Variants in EYS observed in about 807,000 individuals in gnomAD.
EYS encodes EGF-like photoreceptor maintenance factor.
A neutral mutation model predicts 282.1 loss-of-function variants in EYS; 250 were observed. The observed-to-expected ratio is 0.89, with a 90% CI of 0.80 to 0.98. The LOEUF (loss-of-function observed/expected upper bound fraction) is 0.98, where lower values mean the gene tolerates loss of function less well. EYS is among the 50% of genes least tolerant of loss of function. The probability of loss-of-function intolerance (pLI) is 0.00; values close to 1 mark genes in which losing one functional copy is unlikely to be tolerated. For missense variants in EYS, 4,016 were observed against 3,709.0 expected, an observed-to-expected ratio of 1.08 and a Z score of -2.15; for synonymous variants, 1,355 against 1,282.9, an observed-to-expected ratio of 1.06 and a Z score of -1.20.
intron 34 of EYS, among the ~76,000 whole-genome samples, chr6:63,994,711 A>G (rs1281791990): frequency 6.6e-6 from 1 of 152,004 alleles, no homozygotes; most frequent in African/African-American, 2.4e-5. Context: ...CAGCTCTATG[A>G]TAATATTTTC....
At position 65,065,927 on chromosome 6, in the gene EYS, C is replaced by T. The variant is rs893861807; in HGVS notation, c.2024-8200G>A. On this transcript the variant is annotated intron_variant, in intron 12 of 42. Transcript: ENST00000503581. ...ATCCAATAAATGTAAATTTCATTGG[C>T]TGTCTACATTATTTACAGATATCTA... is the stretch of plus-strand genomic sequence containing the variant. Among the ~76,000 whole-genome samples, 9 of 152,182 alleles carry T rather than the reference C, an allele frequency of 5.9e-5. 1 individual carries two copies. Among genetic ancestry groups the T allele is most frequent in the African/African-American group, 2.2e-4 (9 of 41,438 alleles).
intron 21 of EYS, among the ~76,000 whole-genome samples, chr6:64,815,519 C>T (rs908500136): frequency 2.6e-5 from 4 of 152,014 alleles, no homozygotes; most frequent in Admixed American, 2.0e-4. Flanking sequence ...ATGGGAAATA[C>T]AAAGGCAATT....
chr6:63,757,093 AT>A (rs1269561725), intron 41 of EYS, among the ~76,000 whole-genome samples: 2 of 152,160 alleles, frequency 1.3e-5, no homozygotes, highest in African/African-American at 4.8e-5. Context: ...GTCCGGCAGA[AT>A]AGAGCCATAT....
intron 28 of EYS, among the ~76,000 whole-genome samples, chr6:64,395,963 G>C (rs1027537695): frequency 6.6e-6 from 1 of 151,844 alleles, no homozygotes; most frequent in Non-Finnish European, 1.5e-5. Flanking sequence ...AAAGCTCTAT[G>C]AAATATTATA....
At chr6:65,424,566 T>C (rs191226225) in intron 5 of EYS, among the ~76,000 whole-genome samples, 6 of 152,160 alleles carry the variant, frequency 3.9e-5, no homozygotes, top group Non-Finnish European at 8.8e-5. Flanking sequence ...AGGCATCTGT[T>C]TTATATTACA....
At position 64,160,114 on chromosome 6, in the gene EYS, A is replaced by G. The variant is rs532231473; in HGVS notation, c.6424+70478T>C. Among the ~76,000 whole-genome samples, 5 of 152,272 alleles carry G rather than the reference A, an allele frequency of 3.3e-5. No individual in the cohort carries two copies. The South Asian group carries it at 8.3e-4, about 25-fold the overall frequency. On this transcript the variant is annotated intron_variant, in intron 31 of 42. Transcript: ENST00000503581. ...CTTGTCTGGCTTTTGCAGGTGAAAA[A>G]TGACTTCCAATCATTGTCCACTCAA...
At chr6:63,738,441 C>T (rs1768983198) in intron 41 of EYS, among the ~76,000 whole-genome samples, 1 of 151,842 alleles carries the variant, frequency 6.6e-6, no homozygotes, top group South Asian at 2.1e-4. Flanking sequence ...TTTGTAGGGA[C>T]ATGGATGAAA....
intron 26 of EYS, among the ~76,000 whole-genome samples, chr6:64,502,175 C>G (rs1214985736): frequency 6.6e-6 from 1 of 151,962 alleles, no homozygotes; most frequent in African/African-American, 2.4e-5. Context: ...GAAAGAGTGA[C>G]AAGACTAAAG....
At chr6:65,602,548 C>T (rs1291222930) in intron 2 of EYS, among the ~76,000 whole-genome samples, 1 of 151,846 alleles carries the variant, frequency 6.6e-6, no homozygotes, top group East Asian at 1.9e-4. Flanking sequence ...TGAAATATGC[C>T]AGACACTGTT....
intron 31 of EYS, among the ~76,000 whole-genome samples, chr6:64,098,072 G>C (rs185851464): frequency 8.5e-5 from 13 of 152,238 alleles, no homozygotes; most frequent in Middle Eastern, 3.4e-3. Flanking sequence ...ATCTTACTGG[G>C]TCTAGTAAAC....
intron 2 of EYS, among the ~76,000 whole-genome samples, chr6:65,496,692 T>G (rs986514988): frequency 1.3e-5 from 2 of 152,076 alleles, no homozygotes; most frequent in Non-Finnish European, 2.9e-5. Context: ...CAATAAATAG[T>G]AGCTTTTATT....
intron 22 of EYS, among the ~76,000 whole-genome samples, chr6:64,663,887 A>T (rs960680862): frequency 7.2e-5 from 11 of 152,132 alleles, no homozygotes; most frequent in Non-Finnish European, 1.0e-4. Flanking sequence ...TGGGTCACGG[A>T]AGAGAACCAT....
At chr6:65,326,328 A>G (rs1769619921) in intron 11 of EYS, among the ~76,000 whole-genome samples, 1 of 151,660 alleles carries the variant, frequency 6.6e-6, no homozygotes, top group Non-Finnish European at 1.5e-5. Flanking sequence ...TATCTGATAA[A>G]TTTTTAAATG....
intron 39 of EYS, among the ~76,000 whole-genome samples, chr6:63,781,522 G>T (rs1770225677): frequency 3.3e-5 from 5 of 152,160 alleles, no homozygotes; most frequent in Admixed American, 2.0e-4. Context: ...TTGTGAATGG[G>T]AGTTCACTCA....
chr6:64,962,578 A>AT (rs770219948), intron 14 of EYS, among the ~76,000 whole-genome samples: 3 of 151,784 alleles, frequency 2.0e-5, no homozygotes, highest in Non-Finnish European at 4.4e-5. Flanking sequence ...CAAAAAAAAA[A>AT]GAAAAGAAAA....
intron 31 of EYS, among the ~76,000 whole-genome samples, chr6:64,189,303 G>T (rs1036220729): frequency 3.3e-5 from 5 of 152,180 alleles, no homozygotes; most frequent in Admixed American, 6.5e-5. Flanking sequence ...CCCACCATCT[G>T]GTTTTGCATG....
chr6:65,690,720 T>A (rs1185328450), intron 1 of EYS, among the ~76,000 whole-genome samples: 1 of 150,114 alleles, frequency 6.7e-6, no homozygotes, highest in Non-Finnish European at 1.5e-5. Flanking sequence ...CCTAATGCTA[T>A]CCCTCCTCTA....
chr6:63,842,937 G>A (rs945778384), intron 36 of EYS, among the ~76,000 whole-genome samples: 22 of 152,172 alleles, frequency 1.4e-4, no homozygotes, highest in African/African-American at 5.1e-4. Context: ...TGTTATGTCT[G>A]AGGACTCTGT....
intron 12 of EYS, among the ~76,000 whole-genome samples, chr6:65,221,859 C>G (rs1381893591): frequency 6.6e-6 from 1 of 152,166 alleles, no homozygotes; most frequent in Non-Finnish European, 1.5e-5. Flanking sequence ...GCCATCGGAA[C>G]CCACCTCTTG....
Sources: gnomAD v4.1 joint callset for allele counts (sites outside exome capture counted in the v4.1 genomes callset) on GRCh38, gnomAD v4.1.1 for gene constraint, MANE v1.5 for transcripts, NCBI Gene and HGNC (gene_info 2026-07-23, HGNC 2026-07-21) for gene names.